Variants in UST observed in about 807,000 individuals in gnomAD.
The protein encoded by UST is uronyl 2-sulfotransferase, also known as chondroitin sulfate 2-O-sulfotransferase.
UST carries 21 observed loss-of-function variants against 45.6 expected under a neutral mutation model. The ratio of observed to expected loss-of-function variants is 0.46; its 90% confidence interval spans 0.33 to 0.66. The LOEUF is 0.66. Ranked by LOEUF, UST falls within the 30% of genes least tolerant of loss-of-function variation. The pLI, the probability that UST is intolerant of heterozygous loss-of-function variation, is 0.02. For missense variants in UST, 463 were observed against 512.4 expected, an observed-to-expected ratio of 0.90 and a Z score of 0.93; for synonymous variants, 215 against 200.6, an observed-to-expected ratio of 1.07 and a Z score of -0.61.
intron 7 of UST, among the ~76,000 whole-genome samples, chr6:149,041,633 G>A (rs998315537): frequency 3.3e-5 from 5 of 152,148 alleles, no homozygotes; most frequent in East Asian, 3.8e-4. Flanking sequence ...GAAATGCGCC[G>A]CTGTTCAGAT....
At chr6:148,923,752 A>C (rs1779760244) in intron 2 of UST, among the ~76,000 whole-genome samples, 1 of 152,160 alleles carries the variant, frequency 6.6e-6, no homozygotes, top group African/African-American at 2.4e-5. Flanking sequence ...GGGTGTGCTC[A>C]GAATTTTAGC....
intron 1 of UST, among the ~76,000 whole-genome samples, chr6:148,868,500 AT>A (rs373978896): frequency 2.0e-4 from 30 of 152,306 alleles, no homozygotes; most frequent in African/African-American, 7.0e-4. Context: ...ATATTTCTAG[AT>A]TTATGAGCAA....
rs181126897 is a variant in UST at position 148,774,291 on chromosome 6, A to T, written c.247+26614A>T. 5.9e-3 allele frequency among the ~76,000 whole-genome samples: 869 copies of T among 146,182 alleles called. 5 individuals carry two copies. Among genetic ancestry groups the T allele is most frequent in the African/African-American group, 0.02 (805 of 39,514 alleles). The stretch of plus-strand genomic sequence containing the variant: ...TATTTTATATATATATATATATATA[A>T]AAATATAATGAATAAATAGGAATAA... On this transcript the variant is annotated intron_variant, in intron 1 of 7. Coordinates refer to ENST00000367463, the MANE Select transcript of UST (RefSeq NM_005715.3).
In UST at chr6:148,940,324, C is replaced by CA. The variant is rs549981409; in HGVS notation, c.292-941dup. Among the ~76,000 whole-genome samples the CA allele has an allele frequency of 2.2e-3, 308 of 140,428 alleles. 6 individuals are homozygous for CA. Among genetic ancestry groups the CA allele is most frequent in the South Asian group, 5.9e-3 (26 of 4,426 alleles). 92.1% of individuals were successfully genotyped at this position (140,428 alleles called of 152,430 possible). A position where few individuals can be genotyped will look rare whatever the true frequency, so the allele number is the denominator to read the frequency against. The stretch of plus-strand genomic sequence containing the variant: ...CAACATGGTGAAACCCTGTCTCTAC[C>CA]AAAAAAAAAAAAAATTACAAAAATT... On this transcript the variant is annotated intron_variant, in intron 2 of 7. Transcript: ENST00000367463.
intron 2 of UST, among the ~76,000 whole-genome samples, chr6:148,903,298 T>G (rs1779294628): frequency 6.6e-6 from 1 of 152,216 alleles, no homozygotes; most frequent in Non-Finnish European, 1.5e-5. Flanking sequence ...ATTTAGGACA[T>G]GTACCTATTT....
chr6:149,060,871 T>C (rs766055163), intron 7 of UST, among the ~76,000 whole-genome samples: 1 of 152,220 alleles, frequency 6.6e-6, no homozygotes, highest in Non-Finnish European at 1.5e-5. Flanking sequence ...CTGGTGCCTG[T>C]CTTTTGTCCA....
rs144852503 is a variant in UST, at chr6:149,070,708, C to T, written c.938-3125C>T. ...CATCATGGAGAATGGGGTATCCATC[C>T]CCTCAAGCATTTATCCTTTGCATTA... On this transcript the variant is annotated intron_variant, in intron 7 of 7. Coordinates refer to ENST00000367463, the MANE Select transcript of UST (RefSeq NM_005715.3). Among the ~76,000 whole-genome samples the T allele has an allele frequency of 3.6e-3, 546 of 152,254 alleles. 2 individuals are homozygous for T. The highest frequency in any genetic ancestry group is 6.3e-3 in the Non-Finnish European group (427 of 68,026).
chr6:149,008,251 CA>C (rs1775748440), intron 5 of UST, among the ~76,000 whole-genome samples: 2 of 152,142 alleles, frequency 1.3e-5, no homozygotes, highest in South Asian at 4.1e-4. Flanking sequence ...ATGTTTGAGT[CA>C]AAAGATAAGA....
rs1775980706 is a variant in UST at position 149,021,490 on chromosome 6, A to G, written c.937+9A>G. On this transcript the variant is annotated intron_variant, in intron 7 of 7. Transcript: ENST00000367463. ...TATCTACAAAGACCCAGGTAACTTC[A>G]TTTGTAAGCAAGCTCTTCTCCATGA... 6.2e-7 allele frequency: 1 copy of G among 1,613,838 alleles called. No homozygotes were observed. The highest frequency in any genetic ancestry group is 2.2e-5 in the East Asian group (1 of 44,870).
intron 7 of UST, among the ~76,000 whole-genome samples, chr6:149,068,689 C>G (rs890864498): frequency 6.6e-6 from 1 of 152,144 alleles, no homozygotes; most frequent in African/African-American, 2.4e-5. Context: ...ATGATCAAAT[C>G]AGGGTGTTTA....
chr6:149,050,404 G>T (rs964159654), intron 7 of UST, among the ~76,000 whole-genome samples: 1 of 152,204 alleles, frequency 6.6e-6, no homozygotes, highest in Non-Finnish European at 1.5e-5. Context: ...AGTGATTACA[G>T]ATGGCACCTA....
intron 1 of UST, among the ~76,000 whole-genome samples, chr6:148,856,105 C>T (rs1314567690): frequency 6.6e-6 from 1 of 152,152 alleles, no homozygotes; most frequent in Non-Finnish European, 1.5e-5. Flanking sequence ...CAACCTCCAC[C>T]TCCTGGGTTC....
chr6:148,986,658 T>C (rs1233506037), intron 5 of UST, among the ~76,000 whole-genome samples: 1 of 152,270 alleles, frequency 6.6e-6, no homozygotes, highest in African/African-American at 2.4e-5. Flanking sequence ...TACAGCTGAC[T>C]CTCCAACCTC....
chr6:148,816,209 G>A (rs1023334117), intron 1 of UST, among the ~76,000 whole-genome samples: 17 of 152,190 alleles, frequency 1.1e-4, no homozygotes, highest in African/African-American at 4.1e-4. Context: ...CCAATGTTTT[G>A]TAATGCACCA....
chr6:148,862,683 G>C (rs1044499953), intron 1 of UST, among the ~76,000 whole-genome samples: 1 of 152,110 alleles, frequency 6.6e-6, no homozygotes, highest in African/African-American at 2.4e-5. Flanking sequence ...GCTCTTTTAG[G>C]GCAGGCCTGG....
intron 4 of UST, among the ~76,000 whole-genome samples, chr6:148,959,524 A>G (rs1410973239): frequency 6.6e-6 from 1 of 152,138 alleles, no homozygotes; most frequent in Non-Finnish European, 1.5e-5. Flanking sequence ...GTCTTCCTAA[A>G]TTGGCACTTT....
intron 7 of UST, among the ~76,000 whole-genome samples, chr6:149,044,164 A>T (rs926585167): frequency 6.6e-6 from 1 of 152,222 alleles, no homozygotes; most frequent in Non-Finnish European, 1.5e-5. Flanking sequence ...AATGGTTCAG[A>T]GTCAAAAACT....
intron 2 of UST, among the ~76,000 whole-genome samples, chr6:148,920,788 C>G (rs998466718): frequency 5.9e-5 from 9 of 152,162 alleles, no homozygotes; most frequent in African/African-American, 2.2e-4. Flanking sequence ...TCTCTACCTC[C>G]CAGTGCTTTT....
chr6:148,878,230 G>A (rs1289453351), intron 1 of UST, among the ~76,000 whole-genome samples: 1 of 97,078 alleles, frequency 1.0e-5, no homozygotes. Context: ...TGCGGGGGTC[G>A]TGTATGAGTG....
Sources: allele counts gnomAD v4.1 joint callset (sites outside exome capture counted in the v4.1 genomes callset), GRCh38; gene constraint gnomAD v4.1.1; transcripts MANE v1.5; gene names NCBI Gene and HGNC (gene_info 2026-07-23, HGNC 2026-07-21).